Variants in CCDC38 observed in about 807,000 individuals in gnomAD.
CCDC38 encodes the protein coiled-coil domain containing 38.
A neutral mutation model predicts 72.8 loss-of-function variants in CCDC38; 69 were observed. That is an observed-to-expected ratio of 0.95 (90% CI 0.78 to 1.16). The LOEUF (loss-of-function observed/expected upper bound fraction) is 1.16. Among genes scored for constraint, CCDC38 ranks in the 50% most tolerant of loss-of-function variants. The probability of loss-of-function intolerance (pLI) is 0.00; values close to 1 mark genes in which losing one functional copy is unlikely to be tolerated. For synonymous variants in CCDC38, 201 were observed against 213.2 expected, an observed-to-expected ratio of 0.94 and a Z score of 0.50; for missense variants, 626 against 638.9, an observed-to-expected ratio of 0.98 and a Z score of 0.22.
chr12:95,919,698 T>C (rs1472621260), intron 2 of CCDC38: 1 of 448,662 alleles, frequency 2.2e-6, no homozygotes, highest in Admixed American at 2.4e-5. Context: ...GATATTAATA[T>C]GTTTCTTCTC....
chr12:95,882,082 C>T (rs11610816), intron 10 of CCDC38, among the ~76,000 whole-genome samples: 37,067 of 152,080 alleles, frequency 0.24, 4,918 homozygotes, highest in Non-Finnish European at 0.3. Flanking sequence ...CAGTGAGATA[C>T]CTCCTTAAAG....
intron 13 of CCDC38, 55 bp downstream of exon 13, chr12:95,878,156 T>TA: frequency 1.3e-6 from 2 of 1,594,144 alleles, no homozygotes; most frequent in Non-Finnish European, 1.7e-6. Flanking sequence ...ACACAGGGAA[T>TA]AAAAATTATA....
chr12:95,893,482 C>CTCTCTCTTTCTT (rs1555228389), intron 8 of CCDC38, among the ~76,000 whole-genome samples: 1 of 129,486 alleles, frequency 7.7e-6, no homozygotes, highest in Non-Finnish European at 1.6e-5. Context: ...CTCTCTCTCT[C>CTCTCTCTTTCTT]TCTTTCTTTC....
intron 8 of CCDC38, among the ~76,000 whole-genome samples, chr12:95,894,104 A>G (rs1406326107): frequency 1.3e-5 from 2 of 152,138 alleles, no homozygotes; most frequent in East Asian, 3.9e-4. Context: ...CTGTAGTCCC[A>G]GCTACTCAGG....
At chr12:95,897,227 C>T (rs1363680089) in intron 7 of CCDC38, among the ~76,000 whole-genome samples, 1 of 152,146 alleles carries the variant, frequency 6.6e-6, no homozygotes, top group Non-Finnish European at 1.5e-5. Flanking sequence ...TAAGTTTTAG[C>T]ATTGACCTGA....
At chr12:95,908,215 C>T (rs996486594) in intron 4 of CCDC38, among the ~76,000 whole-genome samples, 1 of 151,624 alleles carries the variant, frequency 6.6e-6, no homozygotes, top group Non-Finnish European at 1.5e-5. Context: ...ATCCCGGCAC[C>T]TCGGGAGGCC....
chr12:95,921,425 AC>A (rs1224741713), intron 2 of CCDC38, among the ~76,000 whole-genome samples: 1 of 151,952 alleles, frequency 6.6e-6, no homozygotes, highest in Non-Finnish European at 1.5e-5. Flanking sequence ...AGCTGGGAAG[AC>A]CTCGGGAAAC....
At position 95,872,431 on chromosome 12, in the gene CCDC38, C is replaced by G; in HGVS notation, c.1308G>C (p.Lys436Asn). ...QEILIDSLSK[K>N]ITQVYKVCIG... ...TGCAGACTTTGTATACTTGAGTAAT[C>G]TTTTTACTAAGTGAGTCTATCAGTA... is the stretch of plus-strand genomic sequence containing the variant. Residue 436 changes from lysine (K) to asparagine (N), a missense_variant, in exon 14 of 16, where the codon AAG (lysine) becomes AAC (asparagine). Lys to Asn is a moderately conservative substitution (Grantham distance 94). Transcript: ENST00000344280. The G allele has an allele frequency of 6.2e-7, 1 of 1,613,750 alleles. No individual in the cohort carries two copies. Among genetic ancestry groups the G allele is most frequent in the Non-Finnish European group, 8.5e-7 (1 of 1,179,716 alleles).
At chr12:95,906,345 A>C in intron 5 of CCDC38, 42 bp downstream of exon 5, 1 of 1,290,460 alleles carries the variant, frequency 7.7e-7, no homozygotes, top group Non-Finnish European at 1.1e-6. Flanking sequence ...ACTATGAAAG[A>C]AGTCTTCCAC....
intron 5 of CCDC38, among the ~76,000 whole-genome samples, chr12:95,900,054 T>G (rs1005544631): frequency 6.6e-6 from 1 of 152,130 alleles, no homozygotes; most frequent in African/African-American, 2.4e-5. Context: ...TCCTATTAGG[T>G]TGGTGAAAAA....
rs182720531 is a variant in CCDC38, at chr12:95,870,234, G to A, written c.1485-661C>T. Reference sequence around the variant, plus strand: ...CATAGCTTAGTGAGCTGCCACAAAAGTGTACCTTCCAGTTAATCTTTTTGA... The same window carrying A: ...CATAGCTTAGTGAGCTGCCACAAAAATGTACCTTCCAGTTAATCTTTTTGA... On this transcript the variant is annotated intron_variant, in intron 14 of 15. Transcript: ENST00000344280. Among the ~76,000 whole-genome samples the A allele has an allele frequency of 7.4e-3, 1,132 of 152,274 alleles. 17 individuals carry two copies. The highest frequency in any genetic ancestry group is 0.026 in the African/African-American group (1,078 of 41,538).
intron 8 of CCDC38, among the ~76,000 whole-genome samples, chr12:95,891,207 T>G (rs1187441334): frequency 6.6e-6 from 1 of 152,276 alleles, no homozygotes; most frequent in African/African-American, 2.4e-5. Flanking sequence ...GGTAGGGCAC[T>G]AGGACATCTC....
intron 11 of CCDC38, among the ~76,000 whole-genome samples, chr12:95,881,013 A>C (rs1203000815): frequency 6.6e-6 from 1 of 152,108 alleles, no homozygotes; most frequent in Non-Finnish European, 1.5e-5. Flanking sequence ...GATGACTTGG[A>C]TAAGGTGTGT....
chr12:95,904,031 T>C (rs1313960098), intron 5 of CCDC38, among the ~76,000 whole-genome samples: 1 of 151,538 alleles, frequency 6.6e-6, no homozygotes, highest in African/African-American at 2.4e-5. Context: ...TGAGAAGTTT[T>C]TTACCTGTAA....
intron 4 of CCDC38, among the ~76,000 whole-genome samples, chr12:95,908,470 A>C (rs1189349835): frequency 0.12 from 1 of 8 alleles, no homozygotes; most frequent in African/African-American, 0.5. Context: ...GGAGAGGGAG[A>C]GGGAGAGGGA....
intron 7 of CCDC38, 86 bp downstream of exon 7, chr12:95,898,299 A>G (rs2079912637): frequency 8.0e-7 from 1 of 1,247,166 alleles, no homozygotes; most frequent in South Asian, 1.2e-5. Context: ...GATAAGGATG[A>G]TCAGGATTAT....
At chr12:95,910,237 A>G (rs1451003702) in intron 4 of CCDC38, among the ~76,000 whole-genome samples, 3 of 152,120 alleles carry the variant, frequency 2.0e-5, no homozygotes, top group African/African-American at 7.2e-5. Flanking sequence ...AAAAATCAAC[A>G]GCATTTGTAT....
rs1305485882 is a variant in CCDC38, at chr12:95,936,641, C to T, written c.-14-118G>A. The T allele has an allele frequency of 8.9e-6, 6 of 675,268 alleles. No individual in the cohort carries two copies. In the African/African-American group the frequency reaches 1.1e-4, roughly 12 times the overall value. The allele number at this position is 675,268 out of a possible 1,614,324, so 41.8% of individuals were successfully genotyped here. On this transcript the variant is annotated intron_variant, in intron 1 of 15. Coordinates refer to ENST00000344280, the MANE Select transcript of CCDC38 (RefSeq NM_182496.3). ...TTATGGCTTTTAAAAGCAGTGAGCA[C>T]ACACATACTCTTTGACCCAGCAATT...
chr12:95,940,267 A>G (rs2080434709), intron 1 of CCDC38, among the ~76,000 whole-genome samples: 1 of 152,150 alleles, frequency 6.6e-6, no homozygotes, highest in Non-Finnish European at 1.5e-5. Flanking sequence ...TATCAGTGCA[A>G]ATCTGGGGGA....
Sources: allele counts gnomAD v4.1 joint callset (sites outside exome capture counted in the v4.1 genomes callset), GRCh38; gene constraint gnomAD v4.1.1; transcripts MANE v1.5; gene names NCBI Gene and HGNC (gene_info 2026-07-23, HGNC 2026-07-21).